The following DYNC1H1 variants were observed in gnomAD, a reference collection of about 807,000 sequenced individuals.
DYNC1H1 encodes dynein cytoplasmic 1 heavy chain 1.
In DYNC1H1, 51 loss-of-function variants were observed where a neutral mutation model predicts 527.1. The observed-to-expected ratio is 0.10, with a 90% confidence interval of 0.08 to 0.12. The LOEUF is 0.12. Among genes scored for constraint, DYNC1H1 ranks in the 10% least tolerant of loss-of-function variants. DYNC1H1 has a pLI of 1.00. For missense variants in DYNC1H1, 2,771 were observed against 5,971.8 expected, an observed-to-expected ratio of 0.46 and a Z score of 17.66; for synonymous variants, 2,189 against 2,278.8, an observed-to-expected ratio of 0.96 and a Z score of 1.12.
At chr14:101,980,582 A>G (rs1382864647) in intron 5 of DYNC1H1, 32 bp downstream of exon 5, 1 of 1,610,422 alleles carries the variant, frequency 6.2e-7, no homozygotes, top group Non-Finnish European at 8.5e-7. Context: ...CTGATCAGTA[A>G]GTTATTGATC....
intron 52 of DYNC1H1, chr14:102,032,727 C>T: frequency 1.7e-6 from 1 of 582,358 alleles, no homozygotes; most frequent in East Asian, 3.1e-5. Context: ...GTGGCATGCG[C>T]CTGTAGTCCT....
chr14:101,999,280 G>T (rs558697490), intron 16 of DYNC1H1, among the ~76,000 whole-genome samples: 1 of 152,008 alleles, frequency 6.6e-6, no homozygotes, highest in African/African-American at 2.4e-5. Flanking sequence ...GGGATCAAGC[G>T]TTGTAGCTGG....
chr14:102,032,520 G>T, intron 52 of DYNC1H1, 53 bp downstream of exon 52: 1 of 1,610,684 alleles, frequency 6.2e-7, no homozygotes, highest in Non-Finnish European at 8.5e-7. Flanking sequence ...CAGTTGTTCA[G>T]GCCAGGCACG....
Position 102,010,620 on chromosome 14 carries a change from G to A in DYNC1H1, c.6406-120G>A. The A allele has an allele frequency of 6.7e-7, 1 of 1,503,370 alleles. No homozygotes were observed. The highest frequency in any genetic ancestry group is 2.4e-5 in the East Asian group (1 of 41,674). The allele number at this position is 1,503,370 out of a possible 1,614,324, so 93.1% of individuals were successfully genotyped here. ...CCCAGTGAGTCGAGTGCACGAATGT[G>A]GGCGAGTGGTGCTCGCACCCTTTGT... On this transcript the variant is annotated intron_variant, in intron 31 of 77. Transcript: ENST00000360184. This position sits in a 1 kb window ranked among gnomAD's most constrained non-coding sequence, Gnocchi z 6.0.
At chr14:101,970,470 GTTGTTTTTTTTT>G (rs1431355199) in intron 1 of DYNC1H1, among the ~76,000 whole-genome samples, 3 of 96,276 alleles carry the variant, frequency 3.1e-5, no homozygotes, top group African/African-American at 4.8e-5. Flanking sequence ...TTGGTTTGTT[GTTGTTTTTTTTT>G]TTTTTTTTTT....
At chr14:101,994,472 T>C in intron 12 of DYNC1H1, 148 bp downstream of exon 12, 1 of 1,379,630 alleles carries the variant, frequency 7.2e-7, no homozygotes. Context: ...AGAGAGTAAA[T>C]GATAGGATAC....
In DYNC1H1 at chr14:102,016,163, C is replaced by A. The variant is rs2048319700; in HGVS notation, c.7473+77C>A. The A allele has an allele frequency of 1.3e-6, 2 of 1,533,890 alleles. No homozygotes were observed. Among genetic ancestry groups the A allele is most frequent in the African/African-American group, 1.4e-5 (1 of 72,832 alleles). On this transcript the variant is annotated intron_variant, in intron 36 of 77. Coordinates refer to ENST00000360184, the MANE Select transcript of DYNC1H1 (RefSeq NM_001376.5). This position sits in a 1 kb window ranked among gnomAD's most constrained non-coding sequence, Gnocchi z 7.3. ...GTCTGAGGACCTCTGAAATGCTGCA[C>A]CTGTGGGGATGTGCGCTCTCTCCTA...
chr14:101,967,825 C>G lies in DYNC1H1; in HGVS notation c.256+2878C>G, dbSNP rs186182031. Among the ~76,000 whole-genome samples the G allele has an allele frequency of 3.9e-5, 6 of 152,198 alleles. 1 individual carries two copies. Among genetic ancestry groups the G allele is most frequent in the African/African-American group, 1.4e-4 (6 of 41,524 alleles). On this transcript the variant is annotated intron_variant, in intron 1 of 77. Transcript: ENST00000360184. Reference sequence around the variant, plus strand: ...CTGGGTACAGAGTGAGACCCTATCTCTAAAATAAATCAAGTACAGCATTAC... The same window carrying G: ...CTGGGTACAGAGTGAGACCCTATCTGTAAAATAAATCAAGTACAGCATTAC...
chr14:102,028,124 C>A lies in DYNC1H1; in HGVS notation c.9451C>A (p.His3151Asn). 1 of 1,614,030 alleles carries A rather than the reference C, an allele frequency of 6.2e-7. No individual in the cohort carries two copies. Among genetic ancestry groups the A allele is most frequent in the South Asian group, 1.1e-5 (1 of 91,024 alleles). Residue 3151 changes from histidine to asparagine, a missense_variant, in exon 48 of 78, where the codon CAT (histidine) becomes AAT (asparagine). Physicochemically the swap from His to Asn is moderately conservative, Grantham distance 68. Transcript: ENST00000360184. The stretch of plus-strand genomic sequence containing the variant: ...CATTGTGAACAGCTGTGTGTTTGTT[C>A]ATCAGACTCTTCACCAGGTGGGTTC... ...EAIVNSCVFV[H>N]QTLHQANARL...
chr14:102,034,833 G>C (rs1209040604), intron 56 of DYNC1H1: 1 of 343,060 alleles, frequency 2.9e-6, no homozygotes, highest in Non-Finnish European at 5.7e-6. Flanking sequence ...GGCTGAGACA[G>C]GAAAATCTCT....
rs2048129557 is a variant in DYNC1H1 at position 102,001,439 on chromosome 14, A to G, written c.4395+85A>G. ...AGCTATGTAAAAATGGAGCCTTGTCATCTGTGGTCCTTTTGGTTCTTATAA... is the reference window on the plus strand; with the variant it reads ...AGCTATGTAAAAATGGAGCCTTGTCGTCTGTGGTCCTTTTGGTTCTTATAA... On this transcript the variant is annotated intron_variant, in intron 20 of 77. Transcript: ENST00000360184. This position sits in a 1 kb window ranked among gnomAD's most constrained non-coding sequence, Gnocchi z 5.0. The G allele has an allele frequency of 6.2e-7, 1 of 1,613,192 alleles. No individual in the cohort carries two copies. Among genetic ancestry groups the G allele is most frequent in the Non-Finnish European group, 8.5e-7 (1 of 1,179,276 alleles).
At position 101,964,742 on chromosome 14, in the gene DYNC1H1, A is replaced by G. The variant is rs1212687831; in HGVS notation, c.51A>G (p.Glu17=). 1 of 1,597,234 alleles carries G rather than the reference A, an allele frequency of 6.3e-7. No homozygotes were observed. Among genetic ancestry groups the G allele is most frequent in the Non-Finnish European group, 8.5e-7 (1 of 1,175,610 alleles). ...GCGAGGACGGCTCGGCCGGATTGGA[A>G]GTGTCGGCCGTGCAGAATGTGGCGG... is the stretch of plus-strand genomic sequence containing the variant. ...GGGEDGSAGL[E]VSAVQNVADV... Residue 17 remains glutamate (E), a synonymous_variant, in exon 1 of 78, where the codon GAA becomes GAG. Coordinates refer to ENST00000360184, the MANE Select transcript of DYNC1H1 (RefSeq NM_001376.5). The surrounding 1 kb of genome is among the most constrained non-coding windows in gnomAD (Gnocchi z 5.5).
intron 9 of DYNC1H1, 118 bp from the exon 10 acceptor site, chr14:101,988,585 G>A: frequency 7.6e-7 from 1 of 1,308,014 alleles, no homozygotes; most frequent in Non-Finnish European, 1.1e-6. Flanking sequence ...GAGATATGAA[G>A]GCTTCTAGTC....
In DYNC1H1 at chr14:102,036,516, A is replaced by T; in HGVS notation, c.10782A>T (p.Gly3594=). ...NRYPLIIDPS[G]QATEFIMNEY... is the part of the protein sequence containing the mutation. The stretch of plus-strand genomic sequence containing the variant: ...ATCCGCTGATCATTGACCCCTCTGG[A>T]CAGGCCACAGAATTCATTATGAATG... Residue 3594 remains glycine (G), a synonymous_variant, in exon 57 of 78, where the codon GGA becomes GGT. Transcript: ENST00000360184. This position sits in a 1 kb window ranked among gnomAD's most constrained non-coding sequence, Gnocchi z 5.6. 1 of 1,614,026 alleles carries T rather than the reference A, an allele frequency of 6.2e-7. No homozygotes were observed. Among genetic ancestry groups the T allele is most frequent in the East Asian group, 2.2e-5 (1 of 44,874 alleles).
intron 43 of DYNC1H1, among the ~76,000 whole-genome samples, chr14:102,024,555 G>A (rs1488574463): frequency 3.9e-5 from 6 of 152,128 alleles, no homozygotes; most frequent in Admixed American, 2.0e-4. Context: ...AAGGCAGAGC[G>A]CCTGATAGGA....
In DYNC1H1 at chr14:101,983,343, G is replaced by A; in HGVS notation, c.1234-39G>A. 1 of 1,614,040 alleles carries A rather than the reference G, an allele frequency of 6.2e-7. No homozygotes were observed. Among genetic ancestry groups the A allele is most frequent in the Non-Finnish European group, 8.5e-7 (1 of 1,179,912 alleles). On this transcript the variant is annotated intron_variant, in intron 6 of 77. Coordinates refer to ENST00000360184, the MANE Select transcript of DYNC1H1 (RefSeq NM_001376.5). This position sits in a 1 kb window ranked among gnomAD's most constrained non-coding sequence, Gnocchi z 5.3. ...CCTCAAGACATTGAGATGAAAATAT[G>A]TCTTAATAATAAGCCTCACTTTTGA...
chr14:101,976,308 T>G (rs968803538), intron 2 of DYNC1H1, among the ~76,000 whole-genome samples: 5 of 151,186 alleles, frequency 3.3e-5, no homozygotes, highest in Non-Finnish European at 5.9e-5. Flanking sequence ...TTTGGGAGGC[T>G]GAGGTGGGCA....
intron 5 of DYNC1H1, among the ~76,000 whole-genome samples, chr14:101,981,698 C>T (rs1347994486): frequency 6.6e-6 from 1 of 152,212 alleles, no homozygotes; most frequent in Non-Finnish European, 1.5e-5. Flanking sequence ...GCACACATTA[C>T]ATGCGCATTC....
Position 102,023,081 on chromosome 14 carries a change from A to G in DYNC1H1, c.8637+201A>G, listed in dbSNP as rs2048405305. ...AGTTTGAGACCAGCCTGGGCAACAT[A>G]GTAAGACTCCACCTCTACAAAAAAA... On this transcript the variant is annotated intron_variant, in intron 43 of 77. Coordinates refer to ENST00000360184, the MANE Select transcript of DYNC1H1 (RefSeq NM_001376.5). The G allele has an allele frequency of 6.3e-6, 5 of 789,000 alleles. No homozygotes were observed. The Admixed American group carries it at 1.1e-4, about 17-fold the overall frequency. The allele number at this position is 789,000 out of a possible 1,614,324, so 48.9% of individuals were successfully genotyped here.
Sources: gnomAD v4.1 joint callset for allele counts (sites outside exome capture counted in the v4.1 genomes callset) on GRCh38, gnomAD v4.1.1 for gene constraint, Gnocchi (gnomAD v3.1) non-coding constraint, MANE v1.5 for transcripts, NCBI Gene and HGNC (gene_info 2026-07-23, HGNC 2026-07-21) for gene names.